EPHB1: variants seen among roughly 807,000 people sequenced by gnomAD.
The protein encoded by EPHB1 is EPH receptor B1.
EPHB1 carries 30 observed loss-of-function variants against 94.4 expected under a neutral mutation model. That is an observed-to-expected ratio of 0.32 (90% CI 0.24 to 0.43). The LOEUF is 0.43. Among genes scored for constraint, EPHB1 ranks in the 20% least tolerant of loss-of-function variants. The pLI, the probability that EPHB1 is intolerant of heterozygous loss-of-function variation, is 1.00. For synonymous variants in EPHB1, 522 were observed against 489.1 expected (o/e 1.07, Z -0.89); for missense variants, 1,055 against 1,308.3 (o/e 0.81, Z 2.99).
chr3:135,211,208 C>A (rs986387172), intron 12 of EPHB1, among the ~76,000 whole-genome samples: 5 of 152,128 alleles, frequency 3.3e-5, no homozygotes, highest in African/African-American at 1.2e-4. Flanking sequence ...TCATATAGAT[C>A]CATTTAACCA....
At chr3:134,904,559 A>G (rs2038277152) in intron 1 of EPHB1, among the ~76,000 whole-genome samples, 1 of 152,160 alleles carries the variant, frequency 6.6e-6, no homozygotes, top group African/African-American at 2.4e-5. Context: ...TTGGGGCTTT[A>G]CACTTGCTGA....
intron 12 of EPHB1, among the ~76,000 whole-genome samples, chr3:135,230,469 TC>T (rs560207708): frequency 6.5e-4 from 99 of 152,296 alleles, no homozygotes; most frequent in African/African-American, 2.2e-3. Context: ...TCCAGAGCAC[TC>T]ACTTCAGGAA....
chr3:134,851,199 G>A (rs2036976850), intron 1 of EPHB1, among the ~76,000 whole-genome samples: 1 of 152,252 alleles, frequency 6.6e-6, no homozygotes, highest in African/African-American at 2.4e-5. Context: ...CAGAAAGGCA[G>A]AGCCCAGCAG....
chr3:135,182,393 C>A (rs938223094), intron 10 of EPHB1, among the ~76,000 whole-genome samples: 1 of 152,090 alleles, frequency 6.6e-6, no homozygotes, highest in African/African-American at 2.4e-5. Context: ...TTTTCTCTCT[C>A]CCTCCCTACT....
intron 1 of EPHB1, among the ~76,000 whole-genome samples, chr3:134,884,488 C>G (rs1033257599): frequency 1.3e-5 from 2 of 152,206 alleles, no homozygotes; most frequent in East Asian, 1.9e-4. Context: ...TTGAGAAATT[C>G]GTTTGATCAG....
intron 1 of EPHB1, among the ~76,000 whole-genome samples, chr3:134,895,101 T>C (rs1025520102): frequency 2.0e-5 from 3 of 152,210 alleles, no homozygotes; most frequent in Non-Finnish European, 4.4e-5. Context: ...GATTTGCAGT[T>C]TAAAAGATGT....
At chr3:135,069,926 A>T (rs1373255721) in intron 3 of EPHB1, among the ~76,000 whole-genome samples, 1 of 152,162 alleles carries the variant, frequency 6.6e-6, no homozygotes, top group Non-Finnish European at 1.5e-5. Context: ...TGGTCAAATA[A>T]CTGACACTCA....
At chr3:134,817,872 C>G (rs1420275363) in intron 1 of EPHB1, among the ~76,000 whole-genome samples, 2 of 152,232 alleles carry the variant, frequency 1.3e-5, no homozygotes, top group African/African-American at 4.8e-5. Flanking sequence ...ATCCCAAGCC[C>G]CTGCCCAGAG....
At chr3:135,147,148 C>T (rs1260417179) in intron 5 of EPHB1, among the ~76,000 whole-genome samples, 3 of 152,170 alleles carry the variant, frequency 2.0e-5, no homozygotes, top group African/African-American at 7.2e-5. Context: ...TTCTTTATTT[C>T]TGCTAACTCC....
chr3:134,817,583 C>T lies in EPHB1; in HGVS notation c.58+21894C>T, dbSNP rs35420743. 8.1e-3 allele frequency among the ~76,000 whole-genome samples: 1,236 copies of T among 152,338 alleles called. 11 individuals are homozygous for T. The highest frequency in any genetic ancestry group is 0.014 in the Middle Eastern group (4 of 294). On this transcript the variant is annotated intron_variant, in intron 1 of 15. Coordinates refer to ENST00000398015, the MANE Select transcript of EPHB1 (RefSeq NM_004441.5). ...AGAACTGGCTCACATTTACCAGCTG[C>T]GTGACCTTGGAAAGCCACCTAATCT...
chr3:134,885,294 C>T (rs1312755162), intron 1 of EPHB1, among the ~76,000 whole-genome samples: 1 of 152,170 alleles, frequency 6.6e-6, no homozygotes, highest in Non-Finnish European at 1.5e-5. Flanking sequence ...GAATAATGAA[C>T]AGAGCATCAG....
At chr3:134,873,490 T>A (rs2037545216) in intron 1 of EPHB1, among the ~76,000 whole-genome samples, 1 of 152,258 alleles carries the variant, frequency 6.6e-6, no homozygotes, top group Admixed American at 6.5e-5. Context: ...CTAGTCTGCA[T>A]CTCTGCAGTA....
intron 3 of EPHB1, among the ~76,000 whole-genome samples, chr3:135,034,993 C>A (rs1559803557): frequency 6.6e-6 from 1 of 152,230 alleles, no homozygotes; most frequent in Non-Finnish European, 1.5e-5. Flanking sequence ...GAGAAGAAAG[C>A]TGAGTGCTCA....
In EPHB1 at chr3:135,259,332, TATA is replaced by T. The variant is rs1254059086; in HGVS notation, c.*220_*222del. 1.8e-5 allele frequency: 7 copies of T among 391,430 alleles called. No homozygotes were observed. Among genetic ancestry groups the T allele is most frequent in the African/African-American group, 1.2e-4 (6 of 48,890 alleles). 24.2% of individuals were successfully genotyped at this position (391,430 alleles called of 1,614,324 possible). ...TTGAGATGCCGTGGGAAACCAAATA[TATA>T]ATAATAAAAATATAAAAAGGTGATG... On this transcript the variant is annotated 3_prime_UTR_variant, in exon 16 of 16. Transcript: ENST00000398015.
At chr3:135,106,173 C>G (rs138496115) in intron 3 of EPHB1, among the ~76,000 whole-genome samples, 11 of 152,300 alleles carry the variant, frequency 7.2e-5, no homozygotes, top group African/African-American at 2.6e-4. Flanking sequence ...TTTGTTTTCT[C>G]AATTAAATCT....
intron 1 of EPHB1, among the ~76,000 whole-genome samples, chr3:134,806,567 T>C (rs945099869): frequency 1.3e-5 from 2 of 152,162 alleles, no homozygotes; most frequent in Non-Finnish European, 2.9e-5. Context: ...ATCAATGTAG[T>C]AATTGTGGAA....
intron 9 of EPHB1, among the ~76,000 whole-genome samples, chr3:135,178,489 A>G (rs991135964): frequency 4.0e-5 from 6 of 151,412 alleles, no homozygotes; most frequent in Non-Finnish European, 8.8e-5. Flanking sequence ...ATTCTCCTCA[A>G]TGGTTTGCTG....
At chr3:135,173,804 A>G in intron 9 of EPHB1, among the ~76,000 whole-genome samples, 1 of 152,160 alleles carries the variant, frequency 6.6e-6, no homozygotes, top group East Asian at 1.9e-4. Flanking sequence ...TGCATATTTC[A>G]TTTGTACATC....
At chr3:134,836,564 G>A (rs1013659298) in intron 1 of EPHB1, among the ~76,000 whole-genome samples, 4 of 152,022 alleles carry the variant, frequency 2.6e-5, no homozygotes, top group East Asian at 3.9e-4. Flanking sequence ...GGTAAATAAC[G>A]GATAACAGAA....
Sources: allele counts gnomAD v4.1 joint callset (sites outside exome capture counted in the v4.1 genomes callset), GRCh38; gene constraint gnomAD v4.1.1; transcripts MANE v1.5; gene names NCBI Gene and HGNC (gene_info 2026-07-23, HGNC 2026-07-21).